Variants in NAALADL2 observed in about 807,000 individuals in gnomAD.
NAALADL2 encodes N-acetylated alpha-linked acidic dipeptidase like 2, also known as inactive N-acetylated-alpha-linked acidic dipeptidase-like protein 2.
A neutral mutation model predicts 87.2 loss-of-function variants in NAALADL2; 76 were observed. The ratio of observed to expected loss-of-function variants is 0.87; its 90% confidence interval spans 0.72 to 1.05. The LOEUF (loss-of-function observed/expected upper bound fraction) is 1.05, where lower values mean the gene tolerates loss of function less well. NAALADL2 is among the 50% of genes least tolerant of loss of function. The probability of loss-of-function intolerance (pLI) is 0.00; values close to 1 mark genes in which losing one functional copy is unlikely to be tolerated. For synonymous variants in NAALADL2, 354 were observed against 331.0 expected (o/e 1.07, Z -0.75); for missense variants, 1,089 against 945.8 (o/e 1.15, Z -1.99).
chr3:175,365,726 T>C (rs1263465139), intron 5 of NAALADL2, among the ~76,000 whole-genome samples: 2 of 147,240 alleles, frequency 1.4e-5, no homozygotes, highest in African/African-American at 4.9e-5. Context: ...ATACATAGGA[T>C]CCAAGACATG....
intron 9 of NAALADL2, among the ~76,000 whole-genome samples, chr3:175,500,186 T>C (rs999354002): frequency 2.0e-5 from 3 of 152,074 alleles, no homozygotes; most frequent in African/African-American, 7.2e-5. Flanking sequence ...TGCGCATACA[T>C]ACATAACTCT....
chr3:175,448,819 C>T (rs1186432102), intron 6 of NAALADL2, among the ~76,000 whole-genome samples: 2 of 152,138 alleles, frequency 1.3e-5, no homozygotes, highest in African/African-American at 4.8e-5. Context: ...AAGCAATTCT[C>T]CTACCTCAGC....
At chr3:175,061,384 A>G (rs1001820434) in intron 1 of NAALADL2, among the ~76,000 whole-genome samples, 2 of 152,212 alleles carry the variant, frequency 1.3e-5, no homozygotes, top group Admixed American at 6.5e-5. Context: ...AAATAAATCT[A>G]CACTGGAATT....
chr3:175,006,678 A>T (rs137918904), intron 1 of NAALADL2, among the ~76,000 whole-genome samples: 6 of 151,592 alleles, frequency 4.0e-5, no homozygotes, highest in Non-Finnish European at 8.8e-5. Context: ...TGCTAAGTGT[A>T]TAGGGCCCTT....
intron 2 of NAALADL2, among the ~76,000 whole-genome samples, chr3:174,596,013 AAAAC>A (rs200024864): frequency 0.029 from 4,484 of 152,080 alleles, 164 homozygotes; most frequent in African/African-American, 0.088. Flanking sequence ...TTCCATCTCA[AAAAC>A]AAACAAACAA....
At chr3:175,424,426 A>G (rs556605143) in intron 5 of NAALADL2, among the ~76,000 whole-genome samples, 6 of 152,134 alleles carry the variant, frequency 3.9e-5, no homozygotes, top group African/African-American at 9.6e-5. Flanking sequence ...ATCTTGAATT[A>G]ATTTTTGTAT....
chr3:174,969,431 C>A (rs1743312669), intron 1 of NAALADL2, among the ~76,000 whole-genome samples: 1 of 152,110 alleles, frequency 6.6e-6, no homozygotes, highest in South Asian at 2.1e-4. Flanking sequence ...GTAATCTGCA[C>A]CATTAAAATT....
At chr3:175,074,395 T>C (rs1468646933) in intron 1 of NAALADL2, among the ~76,000 whole-genome samples, 1 of 152,110 alleles carries the variant, frequency 6.6e-6, no homozygotes, top group Non-Finnish European at 1.5e-5. Context: ...TAATAGCTGG[T>C]AAATATAAGA....
At chr3:175,597,477 C>A (rs1445726930) in intron 10 of NAALADL2, among the ~76,000 whole-genome samples, 1 of 151,946 alleles carries the variant, frequency 6.6e-6, no homozygotes, top group Non-Finnish European at 1.5e-5. Flanking sequence ...TGGATTGTAA[C>A]CTTTTATAAA....
At chr3:175,067,577 A>C (rs1409242932) in intron 1 of NAALADL2, among the ~76,000 whole-genome samples, 1 of 152,134 alleles carries the variant, frequency 6.6e-6, no homozygotes, top group Non-Finnish European at 1.5e-5. Context: ...GTTATTGTTA[A>C]AAAGACAAAA....
intron 1 of NAALADL2, among the ~76,000 whole-genome samples, chr3:175,037,077 C>T (rs1283629159): frequency 1.3e-5 from 2 of 152,008 alleles, no homozygotes; most frequent in African/African-American, 2.4e-5. Context: ...ACGTTTCTCA[C>T]CCATGAAGTC....
chr3:175,134,589 A>G (rs1263158864), intron 2 of NAALADL2, among the ~76,000 whole-genome samples: 3 of 152,216 alleles, frequency 2.0e-5, no homozygotes, highest in African/African-American at 7.2e-5. Context: ...TAGCATGAAA[A>G]GACAGGCTGA....
At chr3:174,533,197 C>T (rs1721406783) in intron 1 of NAALADL2, among the ~76,000 whole-genome samples, 1 of 151,088 alleles carries the variant, frequency 6.6e-6, no homozygotes, top group Non-Finnish European at 1.5e-5. Flanking sequence ...GCAGGACTTG[C>T]GTCAGGAATA....
intron 1 of NAALADL2, among the ~76,000 whole-genome samples, chr3:174,927,517 C>G (rs1314871405): frequency 6.6e-6 from 1 of 152,212 alleles, no homozygotes; most frequent in Non-Finnish European, 1.5e-5. Context: ...TCTCTCACAT[C>G]ACAGCACAAT....
chr3:174,492,271 A>C (rs1718247054), intron 1 of NAALADL2, among the ~76,000 whole-genome samples: 1 of 129,710 alleles, frequency 7.7e-6, no homozygotes, highest in African/African-American at 2.7e-5. Flanking sequence ...ACTCCGTCTC[A>C]AAAAAAAAAA....
intron 4 of NAALADL2, among the ~76,000 whole-genome samples, chr3:175,297,833 G>A (rs1188798335): frequency 6.6e-6 from 1 of 152,034 alleles, no homozygotes; most frequent in Non-Finnish European, 1.5e-5. Flanking sequence ...GAAGCAATGG[G>A]CATGCTTTTC....
intron 3 of NAALADL2, among the ~76,000 whole-genome samples, chr3:174,771,090 C>G (rs1190514717): frequency 1.3e-5 from 2 of 152,100 alleles, no homozygotes; most frequent in South Asian, 2.1e-4. Context: ...GTTCAAATAT[C>G]TGGGTGTCTA....
intron 2 of NAALADL2, among the ~76,000 whole-genome samples, chr3:174,650,628 T>C (rs1418301827): frequency 6.6e-6 from 1 of 152,162 alleles, no homozygotes; most frequent in Non-Finnish European, 1.5e-5. Context: ...GTTACGGTCG[T>C]AATTGTTAAC....
intron 2 of NAALADL2, among the ~76,000 whole-genome samples, chr3:174,626,453 A>AT (rs531844381): frequency 1.3e-5 from 2 of 151,980 alleles, no homozygotes; most frequent in African/African-American, 4.8e-5. Context: ...CCTTTGCTTA[A>AT]TTTTTTATTA....
Sources: gnomAD v4.1 joint callset for allele counts (sites outside exome capture counted in the v4.1 genomes callset) on GRCh38, gnomAD v4.1.1 for gene constraint, MANE v1.5 for transcripts, NCBI Gene and HGNC (gene_info 2026-07-23, HGNC 2026-07-21) for gene names.